The following EML6 variants were observed in gnomAD, a reference collection of about 807,000 sequenced individuals.
EML6 encodes EMAP like 6.
In EML6, 154 loss-of-function variants were observed where a neutral mutation model predicts 240.1. The observed-to-expected ratio is 0.64, with a 90% confidence interval of 0.56 to 0.73. EML6 has a LOEUF of 0.73. EML6 is among the 30% of genes least tolerant of loss of function. The pLI, the probability that EML6 is intolerant of heterozygous loss-of-function variation, is 0.00. For synonymous variants in EML6, 1,148 were observed against 899.0 expected (o/e 1.28, Z -4.95); for missense variants, 2,964 against 2,474.6 (o/e 1.20, Z -4.20).
intron 2 of EML6, among the ~76,000 whole-genome samples, chr2:54,765,517 G>C (rs6733119): frequency 6.6e-6 from 1 of 151,982 alleles, no homozygotes; most frequent in Admixed American, 6.6e-5. Context: ...TTGGAGTGCA[G>C]TGGCACGATC....
chr2:54,814,467 A>G (rs1430214754), intron 3 of EML6, among the ~76,000 whole-genome samples: 3 of 152,122 alleles, frequency 2.0e-5, no homozygotes, highest in Non-Finnish European at 4.4e-5. Flanking sequence ...GGCTGCATTC[A>G]TCTCCTCCCT....
chr2:54,801,411 G>T (rs929121747), intron 2 of EML6, among the ~76,000 whole-genome samples: 2 of 152,176 alleles, frequency 1.3e-5, no homozygotes, highest in Admixed American at 1.3e-4. Context: ...GGCTGGGTCA[G>T]CCTTGGCCTG....
intron 17 of EML6, among the ~76,000 whole-genome samples, chr2:54,884,715 C>CA (rs1351543285): frequency 6.6e-6 from 1 of 152,090 alleles, no homozygotes; most frequent in Non-Finnish European, 1.5e-5. Context: ...AAAGTTCTCA[C>CA]AAAAAAGATT....
intron 2 of EML6, among the ~76,000 whole-genome samples, chr2:54,788,808 C>T (rs1007262087): frequency 2.0e-5 from 3 of 152,136 alleles, no homozygotes; most frequent in African/African-American, 7.2e-5. Context: ...ATTATTTCTC[C>T]TGAAGTTTTT....
At chr2:54,844,344 CCA>C (rs1413641728) in intron 8 of EML6, 96 bp downstream of exon 8, 24 of 935,662 alleles carry the variant, frequency 2.6e-5, no homozygotes, top group Non-Finnish European at 3.8e-5. Context: ...CAGAACAGAA[CCA>C]CACAGTTTCC....
chr2:54,908,111 T>C (rs927383768), intron 24 of EML6, among the ~76,000 whole-genome samples: 12 of 152,172 alleles, frequency 7.9e-5, no homozygotes, highest in Non-Finnish European at 2.9e-5. Flanking sequence ...AAAATACCCT[T>C]AATTATTCCT....
intron 12 of EML6, among the ~76,000 whole-genome samples, 188 bp downstream of exon 12, chr2:54,859,889 AG>A (rs2103829163): frequency 6.6e-6 from 1 of 152,324 alleles, no homozygotes; most frequent in Non-Finnish European, 1.5e-5. Context: ...TTTTCTTCAA[AG>A]GAAGTTGCTA....
At chr2:54,832,061 G>C (rs936647454) in intron 7 of EML6, among the ~76,000 whole-genome samples, 1 of 152,020 alleles carries the variant, frequency 6.6e-6, no homozygotes, top group Non-Finnish European at 1.5e-5. Context: ...CCCTGGCTTG[G>C]GCAACATTGT....
chr2:54,835,568 C>G (rs1486757666), intron 7 of EML6, among the ~76,000 whole-genome samples: 2 of 152,130 alleles, frequency 1.3e-5, no homozygotes, highest in African/African-American at 2.4e-5. Context: ...GTTCTCCTGC[C>G]CCAGAGCAGA....
At chr2:54,839,579 C>T (rs1327793317) in intron 7 of EML6, among the ~76,000 whole-genome samples, 4 of 152,372 alleles carry the variant, frequency 2.6e-5, no homozygotes, top group South Asian at 2.1e-4. Flanking sequence ...CCCTTCCACC[C>T]ATGTGTAGCC....
At chr2:54,921,338 C>G (rs1422303156) in intron 26 of EML6, among the ~76,000 whole-genome samples, 2 of 151,938 alleles carry the variant, frequency 1.3e-5, no homozygotes, top group Non-Finnish European at 2.9e-5. Flanking sequence ...ATCATCAAGA[C>G]AAATAAAATG....
chr2:54,951,762 T>C (rs1675992826), intron 30 of EML6, among the ~76,000 whole-genome samples: 1 of 152,188 alleles, frequency 6.6e-6, no homozygotes, highest in Non-Finnish European at 1.5e-5. Context: ...TGTGTAGTTG[T>C]TCATACATAG....
intron 2 of EML6, among the ~76,000 whole-genome samples, chr2:54,726,489 G>A (rs959928445): frequency 6.6e-6 from 1 of 151,902 alleles, no homozygotes; most frequent in Non-Finnish European, 1.5e-5. Context: ...GTTACAGAAG[G>A]CAAGCACTTA....
Position 54,859,608 on chromosome 2 carries a change from G to C in EML6, c.1732G>C (p.Val578Leu), listed in dbSNP as rs891922876. 19 of 1,551,344 alleles carry C rather than the reference G, an allele frequency of 1.2e-5. No individual in the cohort carries two copies. In the Admixed American group the frequency reaches 3.5e-4, roughly 29 times the overall value. The change falls in exon 12 of 42, where the codon GTG becomes CTG. Residue 578 changes from valine to leucine, a missense_variant. Transcript: ENST00000356458. ...NVRWSHDFQW[V>L]LSTGGADHSV... The stretch of plus-strand genomic sequence containing the variant: ...CCGCTGGTCCCATGACTTTCAGTGG[G>C]TGTTGAGCACAGGAGGGGCTGATCA...
At chr2:54,849,602 C>T (rs1303018386) in intron 9 of EML6, among the ~76,000 whole-genome samples, 1 of 152,214 alleles carries the variant, frequency 6.6e-6, no homozygotes, top group Admixed American at 6.5e-5. Context: ...CATTCTCCTG[C>T]CTCAGCCTCC....
At chr2:54,836,584 CTG>C (rs1298661373) in intron 7 of EML6, among the ~76,000 whole-genome samples, 1 of 152,098 alleles carries the variant, frequency 6.6e-6, no homozygotes, top group Non-Finnish European at 1.5e-5. Context: ...AATGCCCACT[CTG>C]TGGTGGCCTT....
chr2:54,921,991 A>ACT (rs1223919017), intron 26 of EML6, among the ~76,000 whole-genome samples: 2 of 152,172 alleles, frequency 1.3e-5, no homozygotes, highest in Admixed American at 1.3e-4. Context: ...AAATATAAAG[A>ACT]GCTCCTTGAC....
chr2:54,881,743 C>G (rs1181229795), intron 17 of EML6: 1 of 151,992 alleles, frequency 6.6e-6, no homozygotes, highest in East Asian at 1.9e-4. Flanking sequence ...CCAGGGTCAT[C>G]TAAGCTCCCA....
chr2:54,819,114 A>G (rs1400361601), intron 4 of EML6, among the ~76,000 whole-genome samples: 6 of 152,190 alleles, frequency 3.9e-5, no homozygotes, highest in African/African-American at 1.4e-4. Context: ...ACTTGGACCA[A>G]GTACTTTTTC....
Sources: allele counts gnomAD v4.1 joint callset (sites outside exome capture counted in the v4.1 genomes callset), GRCh38; gene constraint gnomAD v4.1.1; transcripts MANE v1.5; gene names NCBI Gene and HGNC (gene_info 2026-07-23, HGNC 2026-07-21).